EYS: variants seen among roughly 807,000 people sequenced by gnomAD.
EYS encodes the protein protein eyes shut homolog.
A neutral mutation model predicts 282.1 loss-of-function variants in EYS; 250 were observed. That is an observed-to-expected ratio of 0.89 (90% confidence interval 0.80 to 0.98). The LOEUF is 0.98. EYS is among the 50% of genes least tolerant of loss of function. The pLI is 0.00. For synonymous variants in EYS, 1,355 were observed against 1,282.9 expected, an observed-to-expected ratio of 1.06 and a Z score of -1.20; for missense variants, 4,016 against 3,709.0, an observed-to-expected ratio of 1.08 and a Z score of -2.15.
intron 26 of EYS, among the ~76,000 whole-genome samples, chr6:64,473,973 T>A (rs1368748503): frequency 6.6e-6 from 1 of 152,152 alleles, no homozygotes; most frequent in Non-Finnish European, 1.5e-5. Context: ...TCAAAATGAG[T>A]TTACTTATCA....
chr6:64,406,935 A>C (rs573161417), intron 28 of EYS, among the ~76,000 whole-genome samples: 35 of 152,308 alleles, frequency 2.3e-4, no homozygotes, highest in African/African-American at 7.9e-4. Context: ...TTGACCCAGC[A>C]GTCCCATTAC....
Position 65,569,829 on chromosome 6 carries a change from A to G in EYS, c.-333+69949T>C, listed in dbSNP as rs183998309. ...AGATCCAGTCTCTGAATTGGGGGTG[A>G]GACTAATTTGAGTAATAATAAAACT... On this transcript the variant is annotated intron_variant, in intron 2 of 42. Transcript: ENST00000503581. 6.7e-4 allele frequency among the ~76,000 whole-genome samples: 102 copies of G among 152,284 alleles called. 2 individuals are homozygous for G. Among genetic ancestry groups the G allele is most frequent in the Admixed American group, 6.6e-3 (101 of 15,286 alleles).
At chr6:64,434,968 C>A (rs1185594806) in intron 28 of EYS, among the ~76,000 whole-genome samples, 2 of 151,946 alleles carry the variant, frequency 1.3e-5, no homozygotes, top group Non-Finnish European at 2.9e-5. Flanking sequence ...TTGATTCTTA[C>A]TGCCACCCAA....
chr6:65,271,589 T>A (rs1389306850), intron 12 of EYS, among the ~76,000 whole-genome samples: 1 of 152,032 alleles, frequency 6.6e-6, no homozygotes, highest in East Asian at 1.9e-4. Flanking sequence ...TTTTTATTAT[T>A]TTTTATTTTT....
At chr6:63,902,879 G>T (rs999678241) in intron 35 of EYS, among the ~76,000 whole-genome samples, 1 of 152,188 alleles carries the variant, frequency 6.6e-6, no homozygotes, top group East Asian at 1.9e-4. Context: ...GCTTATGGAG[G>T]TTTGTTGGAA....
At chr6:65,349,561 T>C (rs1408316550) in intron 9 of EYS, among the ~76,000 whole-genome samples, 2 of 151,568 alleles carry the variant, frequency 1.3e-5, no homozygotes, top group Non-Finnish European at 3.0e-5. Context: ...TATGATTATG[T>C]ATGTATGATA....
intron 13 of EYS, among the ~76,000 whole-genome samples, chr6:65,009,847 A>C (rs928710120): frequency 6.6e-6 from 1 of 152,216 alleles, no homozygotes; most frequent in Non-Finnish European, 1.5e-5. Flanking sequence ...GCCCTCAGTC[A>C]GGAATGTATC....
Position 64,879,285 on chromosome 6 carries a change from A to C in EYS, c.2992+7412T>G, listed in dbSNP as rs555976866. Among the ~76,000 whole-genome samples, 37 of 152,274 alleles carry C rather than the reference A, an allele frequency of 2.4e-4. No homozygotes were observed. In the East Asian group the frequency reaches 6.9e-3, roughly 29 times the overall value. ...CTGGCTTTGATGCTCACTCACAAAT[A>C]GTATCAAAATCACCAGTCAGGCATT... On this transcript the variant is annotated intron_variant, in intron 19 of 42. Coordinates refer to ENST00000503581, the MANE Select transcript of EYS (RefSeq NM_001142800.2).
intron 26 of EYS, among the ~76,000 whole-genome samples, chr6:64,566,031 C>T (rs1398972112): frequency 6.6e-6 from 1 of 150,386 alleles, no homozygotes; most frequent in Non-Finnish European, 1.5e-5. Flanking sequence ...TGCAAGAAAT[C>T]TGGTTTCACA....
At chr6:64,130,041 T>G (rs13214312) in intron 31 of EYS, among the ~76,000 whole-genome samples, 38,844 of 152,026 alleles carry the variant, frequency 0.26, 5,232 homozygotes, top group East Asian at 0.42. Flanking sequence ...AGCCTTGTAG[T>G]ATAGTTTGAA....
At chr6:65,073,096 C>T (rs1367759962) in intron 12 of EYS, among the ~76,000 whole-genome samples, 3 of 151,516 alleles carry the variant, frequency 2.0e-5, no homozygotes, top group Non-Finnish European at 3.0e-5. Flanking sequence ...ATAGACAACA[C>T]TCAGATATAT....
At chr6:64,845,380 CTTGA>C in intron 19 of EYS, among the ~76,000 whole-genome samples, 1 of 152,198 alleles carries the variant, frequency 6.6e-6, no homozygotes, top group Non-Finnish European at 1.5e-5. Context: ...ACTAAGTTTC[CTTGA>C]TTCTAATATA....
chr6:64,369,786 T>C (rs1273256102), intron 29 of EYS, among the ~76,000 whole-genome samples: 5 of 152,034 alleles, frequency 3.3e-5, no homozygotes, highest in Non-Finnish European at 5.9e-5. Flanking sequence ...ATTCTTTTTG[T>C]GGCTATTGTG....
chr6:64,856,815 T>G (rs1766078219), intron 19 of EYS, among the ~76,000 whole-genome samples: 4 of 152,116 alleles, frequency 2.6e-5, no homozygotes, highest in African/African-American at 9.7e-5. Context: ...AAGCTCTAGT[T>G]GCTATATTTA....
intron 29 of EYS, among the ~76,000 whole-genome samples, chr6:64,353,087 A>C (rs778999069): frequency 2.0e-5 from 3 of 151,526 alleles, no homozygotes; most frequent in Non-Finnish European, 4.4e-5. Context: ...CCCTACACAC[A>C]CAAAATAATT....
At chr6:65,215,145 C>T (rs1223184612) in intron 12 of EYS, among the ~76,000 whole-genome samples, 1 of 152,020 alleles carries the variant, frequency 6.6e-6, no homozygotes, top group Non-Finnish European at 1.5e-5. Flanking sequence ...TTAAGAAATA[C>T]ATTTTATAAG....
chr6:64,137,168 G>T (rs759778492), intron 31 of EYS, among the ~76,000 whole-genome samples: 8 of 152,140 alleles, frequency 5.3e-5, no homozygotes, highest in Non-Finnish European at 1.0e-4. Flanking sequence ...GCTGGCTTCA[G>T]ACTTTTCTTC....
chr6:64,460,542 C>T (rs1267010657), intron 26 of EYS, among the ~76,000 whole-genome samples: 3 of 152,142 alleles, frequency 2.0e-5, no homozygotes, highest in Admixed American at 2.0e-4. Context: ...ATTCCTTATG[C>T]TTAAAAAAGT....
chr6:65,422,439 TA>T (rs966544522), intron 5 of EYS, among the ~76,000 whole-genome samples: 1 of 151,894 alleles, frequency 6.6e-6, no homozygotes, highest in African/African-American at 2.4e-5. Flanking sequence ...GGATCCACTT[TA>T]ATACTGAAAA....
Sources: gnomAD v4.1 joint callset for allele counts (sites outside exome capture counted in the v4.1 genomes callset) on GRCh38, gnomAD v4.1.1 for gene constraint, MANE v1.5 for transcripts, NCBI Gene and HGNC (gene_info 2026-07-23, HGNC 2026-07-21) for gene names.